Variants in CDH4 observed in about 807,000 individuals in gnomAD.
CDH4 encodes cadherin-4.
CDH4 carries 33 observed loss-of-function variants against 86.0 expected under a neutral mutation model. The ratio of observed to expected loss-of-function variants is 0.38; its 90% CI spans 0.29 to 0.51. The LOEUF is 0.51. Ranked by LOEUF, CDH4 falls within the 20% of genes least tolerant of loss-of-function variation. The pLI, the probability that CDH4 is intolerant of heterozygous loss-of-function variation, is 0.86. For missense variants in CDH4, 1,114 were observed against 1,307.4 expected, an observed-to-expected ratio of 0.85 and a Z score of 2.28; for synonymous variants, 555 against 549.4, an observed-to-expected ratio of 1.01 and a Z score of -0.14.
chr20:61,268,364 T>C (rs2084167765), intron 2 of CDH4, among the ~76,000 whole-genome samples: 1 of 152,228 alleles, frequency 6.6e-6, no homozygotes, highest in Non-Finnish European at 1.5e-5. Flanking sequence ...AGCCAGGCAG[T>C]GGGAGCCGAG....
chr20:61,914,529 G>T (rs75240489), intron 9 of CDH4, among the ~76,000 whole-genome samples: 6 of 148,918 alleles, frequency 4.0e-5, no homozygotes, highest in African/African-American at 1.6e-4. Context: ...TGGAATCAAC[G>T]GAGATCGGTG....
intron 2 of CDH4, among the ~76,000 whole-genome samples, chr20:61,391,652 GT>G (rs2084986799): frequency 1.3e-5 from 2 of 152,232 alleles, no homozygotes; most frequent in Admixed American, 1.3e-4. Context: ...TAGTAAGACA[GT>G]TGGTCCAAAG....
chr20:61,665,926 G>A (rs941248789), intron 2 of CDH4, among the ~76,000 whole-genome samples: 8 of 152,132 alleles, frequency 5.3e-5, no homozygotes, highest in Admixed American at 1.3e-4. Context: ...GGGCACCTGC[G>A]GCTACATATT....
chr20:61,517,188 A>C lies in CDH4; in HGVS notation c.170-226375A>C, dbSNP rs1210626586. On this transcript the variant is annotated intron_variant, in intron 2 of 15. Coordinates refer to ENST00000614565, the MANE Select transcript of CDH4 (RefSeq NM_001794.5). This position sits in a 1 kb window ranked among gnomAD's most constrained non-coding sequence, Gnocchi z 6.6. ...GTTGCCTGACTTTGAACTTCGGGTA[A>C]ATGGAATCCCTTTTTGTTTTTAGAA... Among the ~76,000 whole-genome samples, 3 of 152,052 alleles carry C rather than the reference A, an allele frequency of 2.0e-5. No individual in the cohort carries two copies. Among genetic ancestry groups the C allele is most frequent in the African/African-American group, 7.2e-5 (3 of 41,402 alleles).
chr20:61,782,196 C>T (rs1418476684), intron 4 of CDH4, among the ~76,000 whole-genome samples: 1 of 152,140 alleles, frequency 6.6e-6, no homozygotes, highest in Non-Finnish European at 1.5e-5. Context: ...ATAATCCCAG[C>T]TACTCAGGAG....
intron 2 of CDH4, among the ~76,000 whole-genome samples, chr20:61,256,677 T>C (rs1218898856): frequency 6.6e-6 from 1 of 152,024 alleles, no homozygotes; most frequent in Admixed American, 6.5e-5. Flanking sequence ...TGTGGACTCA[T>C]TTTCCAAGTG....
intron 2 of CDH4, among the ~76,000 whole-genome samples, chr20:61,340,544 G>A (rs772358520): frequency 6.6e-6 from 1 of 152,130 alleles, no homozygotes; most frequent in African/African-American, 2.4e-5. Flanking sequence ...CAAGGACTTA[G>A]AGTGGGCCAT....
At chr20:61,424,010 TCA>T (rs973487744) in intron 2 of CDH4, among the ~76,000 whole-genome samples, 1 of 152,002 alleles carries the variant, frequency 6.6e-6, no homozygotes, top group South Asian at 2.1e-4. Context: ...ACACATATAT[TCA>T]CACACACAGT....
intron 2 of CDH4, among the ~76,000 whole-genome samples, chr20:61,332,246 TG>T (rs1287713251): frequency 6.6e-6 from 1 of 152,092 alleles, no homozygotes; most frequent in Non-Finnish European, 1.5e-5. Flanking sequence ...CTCATCAGGG[TG>T]GGCGGAGCGG....
intron 2 of CDH4, among the ~76,000 whole-genome samples, chr20:61,464,646 C>A (rs2085463087): frequency 6.6e-6 from 1 of 152,162 alleles, no homozygotes; most frequent in African/African-American, 2.4e-5. Context: ...GAGGCTAGAG[C>A]AGCCAGTTGG....
chr20:61,419,098 T>G (rs1045618034), intron 2 of CDH4, among the ~76,000 whole-genome samples: 26 of 152,308 alleles, frequency 1.7e-4, no homozygotes, highest in African/African-American at 5.8e-4. Context: ...TGTTCAACCA[T>G]GACAGTGGGT....
chr20:61,337,355 G>GA (rs377668082), intron 2 of CDH4, among the ~76,000 whole-genome samples: 1 of 65,796 alleles, frequency 1.5e-5, no homozygotes, highest in Non-Finnish European at 3.3e-5. Context: ...GATAACAATG[G>GA]TGATGATGAT....
At chr20:61,505,122 A>C (rs1303074554) in intron 2 of CDH4, among the ~76,000 whole-genome samples, 1 of 151,988 alleles carries the variant, frequency 6.6e-6, no homozygotes, top group Non-Finnish European at 1.5e-5. Context: ...CATGTCTGGG[A>C]AGGGAGGTGG....
intron 4 of CDH4, among the ~76,000 whole-genome samples, chr20:61,832,261 C>T (rs550735871): frequency 2.0e-5 from 3 of 152,208 alleles, no homozygotes; most frequent in African/African-American, 7.2e-5. Flanking sequence ...AGCTCAAGGG[C>T]TTGTGAGCTG....
rs1431323005 is a variant in CDH4 at position 61,483,214 on chromosome 20, TGAGAG to T, written c.169+228283_169+228287del. Among the ~76,000 whole-genome samples the T allele has an allele frequency of 9.9e-5, 15 of 152,176 alleles. No individual in the cohort carries two copies. In the East Asian group the frequency reaches 2.9e-3, roughly 29 times the overall value. On this transcript the variant is annotated intron_variant, in intron 2 of 15. Transcript: ENST00000614565. ...AAAGAGAGAGTGCTTGAGCTACCCT[TGAGAG>T]GAGAGAGAGTGGTTTAGCACCTGGA... is the stretch of plus-strand genomic sequence containing the variant.
intron 2 of CDH4, among the ~76,000 whole-genome samples, chr20:61,316,191 G>T (rs908402053): frequency 2.6e-5 from 4 of 152,182 alleles, no homozygotes; most frequent in African/African-American, 9.7e-5. Context: ...ACAAGAAATG[G>T]AAGTTTACTT....
rs866839275 is a variant in CDH4 at position 61,826,620 on chromosome 20, C to T, written c.577-18048C>T. The stretch of plus-strand genomic sequence containing the variant: ...ATTTTATGTAAGCTGGTCAGTATTC[C>T]AGAGAAGGAAACATTTTCAGCAAAG... On this transcript the variant is annotated intron_variant, in intron 4 of 15. Coordinates refer to ENST00000614565, the MANE Select transcript of CDH4 (RefSeq NM_001794.5). 1.4e-3 allele frequency among the ~76,000 whole-genome samples: 206 copies of T among 152,160 alleles called. 1 individual carries two copies. Among genetic ancestry groups the T allele is most frequent in the African/African-American group, 4.2e-3 (172 of 41,426 alleles).
intron 2 of CDH4, among the ~76,000 whole-genome samples, chr20:61,314,271 C>T (rs538665816): frequency 6.6e-6 from 1 of 152,202 alleles, no homozygotes; most frequent in South Asian, 2.1e-4. Context: ...AACAGCTCCC[C>T]TCTCCCCACT....
intron 2 of CDH4, among the ~76,000 whole-genome samples, chr20:61,611,476 G>A (rs1177000236): frequency 3.9e-5 from 6 of 152,020 alleles, no homozygotes; most frequent in African/African-American, 1.5e-4. Flanking sequence ...AGCCTGACAG[G>A]GAGGCTCAGA....
Sources: gnomAD v4.1 joint callset for allele counts (sites outside exome capture counted in the v4.1 genomes callset) on GRCh38, gnomAD v4.1.1 for gene constraint, Gnocchi (gnomAD v3.1) non-coding constraint, MANE v1.5 for transcripts, NCBI Gene and HGNC (gene_info 2026-07-23, HGNC 2026-07-21) for gene names.